The following RASGEF1A variants were observed in gnomAD, a reference collection of about 807,000 sequenced individuals.
RASGEF1A encodes ras-GEF domain-containing family member 1A.
RASGEF1A carries 18 observed loss-of-function variants against 56.4 expected under a neutral mutation model. The observed-to-expected ratio is 0.32, with a 90% CI of 0.22 to 0.47. The LOEUF is 0.47. RASGEF1A is among the 20% of genes least tolerant of loss of function. RASGEF1A has a pLI of 1.00. For synonymous variants in RASGEF1A, 245 were observed against 242.6 expected (o/e 1.01, Z -0.09); for missense variants, 422 against 627.1 (o/e 0.67, Z 3.49).
chr10:43,246,180 G>A (rs1840565616), intron 1 of RASGEF1A, among the ~76,000 whole-genome samples: 1 of 152,078 alleles, frequency 6.6e-6, no homozygotes. Flanking sequence ...TAGCATCAAA[G>A]AGAATAAAAT....
intron 1 of RASGEF1A, among the ~76,000 whole-genome samples, chr10:43,246,275 G>C (rs767652180): frequency 1.3e-5 from 2 of 152,162 alleles, no homozygotes; most frequent in African/African-American, 4.8e-5. Context: ...ACTTAAATAA[G>C]TGGAAGGACA....
chr10:43,249,776 A>G (rs1840606317), intron 1 of RASGEF1A, among the ~76,000 whole-genome samples: 2 of 152,144 alleles, frequency 1.3e-5, no homozygotes, highest in Admixed American at 6.5e-5. Context: ...GGTGGGCCCC[A>G]GAGTGTCCCC....
intron 1 of RASGEF1A, among the ~76,000 whole-genome samples, chr10:43,258,745 C>T (rs563806670): frequency 2.0e-5 from 3 of 152,262 alleles, no homozygotes; most frequent in African/African-American, 4.8e-5. Context: ...ACCCACCATC[C>T]ACCCACTCAG....
At chr10:43,257,792 T>C (rs1292944436) in intron 1 of RASGEF1A, among the ~76,000 whole-genome samples, 3 of 152,044 alleles carry the variant, frequency 2.0e-5, no homozygotes, top group Non-Finnish European at 4.4e-5. Flanking sequence ...AGGCCAGGGG[T>C]TCTCCCCTGG....
intron 1 of RASGEF1A, among the ~76,000 whole-genome samples, chr10:43,254,067 A>T (rs1285861729): frequency 6.6e-6 from 1 of 151,824 alleles, no homozygotes; most frequent in Non-Finnish European, 1.5e-5. Context: ...GCAGACGGAG[A>T]CTCACATGCC....
At position 43,201,838 on chromosome 10, in the gene RASGEF1A, G is replaced by A. The variant is rs763734663; in HGVS notation, c.429C>T (p.Ala143=). Residue 143 remains alanine, a synonymous_variant, in exon 4 of 13, where the codon GCC becomes GCT. Transcript: ENST00000395810. ...QDEKAMAELK[A]ITHRVTQCDE... The stretch of plus-strand genomic sequence containing the variant: ...CACACTGGGTGACACGGTGTGTGAT[G>A]GCTTTCAGCTCGGCCATGGCCTTCT... The A allele has an allele frequency of 1.9e-6, 3 of 1,610,090 alleles. No individual in the cohort carries two copies. Among genetic ancestry groups the A allele is most frequent in the Non-Finnish European group, 2.5e-6 (3 of 1,177,616 alleles).
At chr10:43,207,888 G>T (rs1840018654) in intron 1 of RASGEF1A, 2 of 485,300 alleles carry the variant, frequency 4.1e-6, no homozygotes, top group Admixed American at 6.4e-5. Context: ...CTCAACTAAG[G>T]AAACCCCAGG....
intron 1 of RASGEF1A, among the ~76,000 whole-genome samples, chr10:43,261,092 G>A (rs1239888792): frequency 2.6e-5 from 4 of 151,536 alleles, no homozygotes; most frequent in African/African-American, 4.8e-5. Context: ...ACCCATGTGG[G>A]AGCGCCCTCC....
At chr10:43,200,635 C>T in intron 5 of RASGEF1A, 32 bp downstream of exon 5, 3 of 1,576,156 alleles carry the variant, frequency 1.9e-6, no homozygotes, top group Non-Finnish European at 2.6e-6. Context: ...CCACAGCCCC[C>T]ACCCCCAGTC....
chr10:43,206,695 C>T (rs1254958), intron 1 of RASGEF1A: 167,803 of 986,606 alleles, frequency 0.17, 15,455 homozygotes, highest in East Asian at 0.49. Context: ...GTGGCTGCCA[C>T]GTGGATGGTG....
chr10:43,233,355 T>C (rs1205261964), intron 1 of RASGEF1A, among the ~76,000 whole-genome samples: 1 of 152,132 alleles, frequency 6.6e-6, no homozygotes, highest in Non-Finnish European at 1.5e-5. Context: ...GACACAAGTG[T>C]GAATAAGGAT....
intron 1 of RASGEF1A, among the ~76,000 whole-genome samples, chr10:43,227,559 G>A (rs1412194934): frequency 1.3e-5 from 2 of 152,176 alleles, no homozygotes; most frequent in African/African-American, 4.8e-5. Flanking sequence ...TTTGGGCCTG[G>A]GAAGGCTGGG....
intron 1 of RASGEF1A, among the ~76,000 whole-genome samples, chr10:43,240,265 C>G (rs1840485128): frequency 6.6e-6 from 1 of 152,088 alleles, no homozygotes; most frequent in Non-Finnish European, 1.5e-5. Flanking sequence ...GATTTCAGTG[C>G]CACACACAAA....
At chr10:43,208,203 T>A (rs1033740287) in intron 1 of RASGEF1A, 2 of 985,326 alleles carry the variant, frequency 2.0e-6, no homozygotes, top group Admixed American at 1.2e-4. Context: ...CTTGGTCAGT[T>A]GGGCCTCCTC....
intron 1 of RASGEF1A, among the ~76,000 whole-genome samples, chr10:43,225,576 GGT>G (rs139307816): frequency 0.013 from 1,928 of 145,846 alleles, 16 homozygotes; most frequent in Non-Finnish European, 0.02. Flanking sequence ...TCTGTGTATG[GGT>G]GTGTGTGTGT....
chr10:43,212,810 G>A (rs1328648489), intron 1 of RASGEF1A, among the ~76,000 whole-genome samples: 1 of 152,188 alleles, frequency 6.6e-6, no homozygotes, highest in Non-Finnish European at 1.5e-5. Context: ...CACTTTTAGG[G>A]GACACAGCCT....
chr10:43,244,091 A>C (rs1464769450), intron 1 of RASGEF1A, among the ~76,000 whole-genome samples: 1 of 152,130 alleles, frequency 6.6e-6, no homozygotes, highest in Admixed American at 6.6e-5. Context: ...CTTACCCCCA[A>C]CCCCCTGCTC....
chr10:43,219,375 G>C (rs563386366), intron 1 of RASGEF1A, among the ~76,000 whole-genome samples: 2 of 152,214 alleles, frequency 1.3e-5, no homozygotes, highest in Non-Finnish European at 2.9e-5. Context: ...AGGGTGCCAC[G>C]GAGGAGGGGG....
intron 1 of RASGEF1A, among the ~76,000 whole-genome samples, chr10:43,224,143 G>A (rs1840243828): frequency 6.6e-6 from 1 of 152,144 alleles, no homozygotes; most frequent in South Asian, 2.1e-4. Flanking sequence ...AGCCCTGGCT[G>A]AAATAGTTTC....
Sources: allele counts gnomAD v4.1 joint callset (sites outside exome capture counted in the v4.1 genomes callset), GRCh38; gene constraint gnomAD v4.1.1; transcripts MANE v1.5; gene names NCBI Gene and HGNC (gene_info 2026-07-23, HGNC 2026-07-21).